Variants in CBFA2T2 observed in about 807,000 individuals in gnomAD.
CBFA2T2 encodes the protein protein CBFA2T2.
A neutral mutation model predicts 62.2 loss-of-function variants in CBFA2T2; 11 were observed. That is an observed-to-expected ratio of 0.18 (90% CI 0.11 to 0.29). The LOEUF is 0.29. Ranked by LOEUF, CBFA2T2 falls within the 10% of genes least tolerant of loss-of-function variation. The pLI is 1.00. For missense variants in CBFA2T2, 592 were observed against 774.1 expected, an observed-to-expected ratio of 0.76 and a Z score of 2.79; for synonymous variants, 295 against 287.5, an observed-to-expected ratio of 1.03 and a Z score of -0.27.
At chr20:33,529,026 T>C (rs960426432) in intron 1 of CBFA2T2, among the ~76,000 whole-genome samples, 15 of 151,866 alleles carry the variant, frequency 9.9e-5, no homozygotes, top group African/African-American at 3.6e-4. Flanking sequence ...TTTGTTTTTT[T>C]TGTTTGTTTG....
At chr20:33,588,857 A>T (rs1189791047) in intron 1 of CBFA2T2, among the ~76,000 whole-genome samples, 1 of 152,082 alleles carries the variant, frequency 6.6e-6, no homozygotes, top group African/African-American at 2.4e-5. Flanking sequence ...CAGGAGAATC[A>T]CTTGAATCCA....
intron 1 of CBFA2T2, among the ~76,000 whole-genome samples, chr20:33,539,002 G>A (rs151104748): frequency 1.2e-3 from 179 of 151,848 alleles, no homozygotes; most frequent in African/African-American, 4.1e-3. Flanking sequence ...CTCCACATTG[G>A]GATCAAATAT....
intron 1 of CBFA2T2, among the ~76,000 whole-genome samples, chr20:33,525,261 C>A (rs1316088576): frequency 6.6e-6 from 1 of 151,870 alleles, no homozygotes; most frequent in Non-Finnish European, 1.5e-5. Context: ...TCTCGGCTCA[C>A]CACAACCTCC....
intron 3 of CBFA2T2, among the ~76,000 whole-genome samples, chr20:33,617,628 TTGCTTCCCTTGC>T: frequency 6.6e-6 from 1 of 152,352 alleles, no homozygotes; most frequent in Middle Eastern, 3.4e-3. Flanking sequence ...CAAGACCTGA[TTGCTTCCCTTGC>T]AGTAGATATA....
chr20:33,583,293 A>G, intron 1 of CBFA2T2, among the ~76,000 whole-genome samples: 1 of 152,246 alleles, frequency 6.6e-6, no homozygotes, highest in East Asian at 1.9e-4. Flanking sequence ...TTTAGTAGTC[A>G]TTACTACAAA....
At chr20:33,494,317 T>A (rs2011177277) in intron 1 of CBFA2T2, among the ~76,000 whole-genome samples, 1 of 112,544 alleles carries the variant, frequency 8.9e-6, no homozygotes, top group Non-Finnish European at 1.7e-5. Flanking sequence ...AGTCTCGCTC[T>A]GTTGCCCAGG....
chr20:33,595,280 C>T (rs749660232), intron 1 of CBFA2T2, among the ~76,000 whole-genome samples: 10 of 152,118 alleles, frequency 6.6e-5, no homozygotes, highest in East Asian at 5.8e-4. Flanking sequence ...GGCCCAATCC[C>T]GGCTCACTGC....
In CBFA2T2 at chr20:33,648,974, A is replaced by C. The variant is rs1290777059; in HGVS notation, c.*4328A>C. On this transcript the variant is annotated 3_prime_UTR_variant, in exon 11 of 11. Coordinates refer to ENST00000342704, the MANE Select transcript of CBFA2T2 (RefSeq NM_001032999.3). ...CAACAAGTGCGTTTGAAGGTTCAGC[A>C]CAGCTGGAATTGTACGGTAGTGAGC... 1 of 152,144 alleles carries C rather than the reference A, an allele frequency of 6.6e-6. No homozygotes were observed. The highest frequency in any genetic ancestry group is 1.9e-4 in the East Asian group (1 of 5,184). 9.4% of individuals were successfully genotyped at this position (152,144 alleles called of 1,614,324 possible).
chr20:33,586,582 A>C (rs1351771510), intron 1 of CBFA2T2, among the ~76,000 whole-genome samples: 1 of 152,178 alleles, frequency 6.6e-6, no homozygotes, highest in African/African-American at 2.4e-5. Context: ...ATTCTATAGC[A>C]GATTTTTGCA....
intron 8 of CBFA2T2, among the ~76,000 whole-genome samples, chr20:33,636,029 C>T (rs573811247): frequency 2.0e-5 from 3 of 151,760 alleles, no homozygotes; most frequent in Admixed American, 1.3e-4. Context: ...TTGAAATTTC[C>T]GAAACACGTA....
At chr20:33,515,631 G>T (rs977846406) in intron 1 of CBFA2T2, among the ~76,000 whole-genome samples, 4 of 151,540 alleles carry the variant, frequency 2.6e-5, no homozygotes, top group Admixed American at 6.6e-5. Context: ...GCGAAACCCT[G>T]TCTCTACTAA....
chr20:33,642,114 TTTTGTGTGTGTGTGTG>T (rs1189326178), intron 10 of CBFA2T2, among the ~76,000 whole-genome samples: 181 of 62,864 alleles, frequency 2.9e-3, no homozygotes, highest in East Asian at 5.4e-3. Flanking sequence ...TCTTTTTTTT[TTTTGTGTGTGTGTGTG>T]TGTGTGTGTG....
At chr20:33,520,908 G>A (rs991205305) in intron 1 of CBFA2T2, among the ~76,000 whole-genome samples, 56 of 150,278 alleles carry the variant, frequency 3.7e-4, no homozygotes, top group Admixed American at 3.0e-3. Context: ...ACACACGCAC[G>A]CGCACACACA....
chr20:33,526,208 T>A (rs1419610508), intron 1 of CBFA2T2, among the ~76,000 whole-genome samples: 2 of 152,214 alleles, frequency 1.3e-5, no homozygotes, highest in Non-Finnish European at 2.9e-5. Flanking sequence ...TTAAGTAAGG[T>A]GTTAACACTA....
chr20:33,556,834 T>C (rs185770214), intron 1 of CBFA2T2, among the ~76,000 whole-genome samples: 1 of 152,024 alleles, frequency 6.6e-6, no homozygotes, highest in Non-Finnish European at 1.5e-5. Context: ...GTTAAAAAAA[T>C]TAAATATGGA....
Position 33,644,365 on chromosome 20 carries a change from C to T in CBFA2T2, c.1507C>T (p.Arg503Cys). 1.2e-6 allele frequency: 2 copies of T among 1,611,254 alleles called. No homozygotes were observed. Among genetic ancestry groups the T allele is most frequent in the Non-Finnish European group, 1.7e-6 (2 of 1,177,700 alleles). The part of the protein sequence containing the change: ...ESTENCWNCG[R>C]KASETCSGCN... ...CTTGCAGAACTGCTGGAACTGTGGC[C>T]GCAAAGCCAGCGAGACATGCAGTGG... Residue 503 changes from arginine (R) to cysteine (C), a missense_variant, in exon 11 of 11, where the codon CGC (arginine) becomes TGC (cysteine). Transcript: ENST00000342704.
chr20:33,644,448 C>T lies in CBFA2T2; in HGVS notation c.1590C>T (p.His530=), dbSNP rs1173088896. 6.2e-7 allele frequency: 1 copy of T among 1,614,238 alleles called. No homozygotes were observed. The highest frequency in any genetic ancestry group is 1.1e-5 in the South Asian group (1 of 91,088). Residue 530 remains histidine (H), a synonymous_variant, in exon 11 of 11, where the codon CAC becomes CAT. Transcript: ENST00000342704. ...GCCAGCACAAGGACTGGGAGCGGCA[C>T]CACCGCCTCTGTGGTCAGAACCTGC... is the stretch of plus-strand genomic sequence containing the variant. The part of the protein sequence containing the change: ...SFCQHKDWER[H]HRLCGQNLHG...
intron 8 of CBFA2T2, among the ~76,000 whole-genome samples, chr20:33,630,185 CA>C (rs1019921449): frequency 6.6e-6 from 1 of 152,140 alleles, no homozygotes; most frequent in Non-Finnish European, 1.5e-5. Context: ...TGGCCTCAAG[CA>C]ATCCTCCTGC....
At chr20:33,515,540 A>G (rs1165580152) in intron 1 of CBFA2T2, among the ~76,000 whole-genome samples, 10 of 151,622 alleles carry the variant, frequency 6.6e-5, no homozygotes, top group Non-Finnish European at 2.9e-5. Flanking sequence ...TTTTATTGAG[A>G]TGGAGTCTCA....
Sources: allele counts gnomAD v4.1 joint callset (sites outside exome capture counted in the v4.1 genomes callset), GRCh38; gene constraint gnomAD v4.1.1; transcripts MANE v1.5; gene names NCBI Gene and HGNC (gene_info 2026-07-23, HGNC 2026-07-21).